TRAPPC9: variants seen among roughly 807,000 people sequenced by gnomAD.
TRAPPC9 encodes trafficking protein particle complex subunit 9.
A neutral mutation model predicts 124.0 loss-of-function variants in TRAPPC9; 83 were observed. The observed-to-expected ratio is 0.67, with a 90% CI of 0.56 to 0.80. The LOEUF (loss-of-function observed/expected upper bound fraction) is 0.80, where lower values mean the gene tolerates loss of function less well. Among genes scored for constraint, TRAPPC9 ranks in the 30% least tolerant of loss-of-function variants. The probability of loss-of-function intolerance (pLI) is 0.00; values close to 1 mark genes in which losing one functional copy is unlikely to be tolerated. For synonymous variants in TRAPPC9, 638 were observed against 617.5 expected, an observed-to-expected ratio of 1.03 and a Z score of -0.49; for missense variants, 1,302 against 1,508.3, an observed-to-expected ratio of 0.86 and a Z score of 2.27.
intron 17 of TRAPPC9, among the ~76,000 whole-genome samples, chr8:140,055,078 C>CA (rs1180816578): frequency 6.6e-6 from 1 of 152,174 alleles, no homozygotes; most frequent in Non-Finnish European, 1.5e-5. Context: ...CAAAGCTAGA[C>CA]AAGAACCTTA....
At chr8:140,356,435 T>C (rs2067747412) in intron 9 of TRAPPC9, among the ~76,000 whole-genome samples, 1 of 152,184 alleles carries the variant, frequency 6.6e-6, no homozygotes, top group Non-Finnish European at 1.5e-5. Context: ...TCACTCCAAT[T>C]ATTGATCCTG....
At chr8:140,243,976 C>G (rs558452394) in intron 16 of TRAPPC9, among the ~76,000 whole-genome samples, 1 of 152,248 alleles carries the variant, frequency 6.6e-6, no homozygotes, top group Non-Finnish European at 1.5e-5. Flanking sequence ...GCCTCAGGTT[C>G]TCACAGGAGT....
At chr8:140,082,954 G>A (rs1249512537) in intron 17 of TRAPPC9, among the ~76,000 whole-genome samples, 1 of 152,090 alleles carries the variant, frequency 6.6e-6, no homozygotes, top group African/African-American at 2.4e-5. Flanking sequence ...CAGCACTTTG[G>A]GTGGCCGAGG....
At chr8:140,388,055 G>T (rs1413479002) in intron 7 of TRAPPC9, among the ~76,000 whole-genome samples, 1 of 151,840 alleles carries the variant, frequency 6.6e-6, no homozygotes, top group Non-Finnish European at 1.5e-5. Context: ...AAAAAAGGAT[G>T]AGTTCATGTC....
chr8:140,026,833 AT>A (rs1488838819), intron 17 of TRAPPC9, among the ~76,000 whole-genome samples: 16 of 152,314 alleles, frequency 1.1e-4, no homozygotes, highest in African/African-American at 3.6e-4. Context: ...AAATAAAGCC[AT>A]GCCTTCCTCT....
At chr8:140,115,329 G>A (rs535406880) in intron 17 of TRAPPC9, among the ~76,000 whole-genome samples, 6 of 151,058 alleles carry the variant, frequency 4.0e-5, no homozygotes, top group South Asian at 2.1e-4. Flanking sequence ...GTGCAGTGGC[G>A]TGATCTAGGC....
intron 10 of TRAPPC9, among the ~76,000 whole-genome samples, chr8:140,305,025 C>T (rs1339382325): frequency 6.6e-6 from 1 of 152,200 alleles, no homozygotes; most frequent in Non-Finnish European, 1.5e-5. Flanking sequence ...CTCAAAACAT[C>T]AGAATGTTCT....
intron 18 of TRAPPC9, among the ~76,000 whole-genome samples, chr8:140,014,955 A>T (rs1587496259): frequency 2.0e-5 from 3 of 151,776 alleles, no homozygotes; most frequent in Admixed American, 2.0e-4. Flanking sequence ...CCATCATTTT[A>T]AAAAATACCA....
chr8:140,336,085 C>A (rs373831636), intron 9 of TRAPPC9, among the ~76,000 whole-genome samples: 10 of 151,850 alleles, frequency 6.6e-5, no homozygotes, highest in African/African-American at 2.4e-4. Context: ...TTTTTCACAA[C>A]TCAAATTATT....
At chr8:139,902,631 A>G (rs1831091477) in intron 20 of TRAPPC9, among the ~76,000 whole-genome samples, 1 of 152,270 alleles carries the variant, frequency 6.6e-6, no homozygotes, top group Non-Finnish European at 1.5e-5. Context: ...TTAGAAAAAC[A>G]CAGTGTGCTA....
At chr8:140,036,399 T>C (rs1010360456) in intron 17 of TRAPPC9, among the ~76,000 whole-genome samples, 8 of 151,948 alleles carry the variant, frequency 5.3e-5, no homozygotes, top group African/African-American at 1.2e-4. Flanking sequence ...CGTGCTGCCA[T>C]TGAAGACATC....
At chr8:140,359,688 A>G (rs910200220) in intron 9 of TRAPPC9, among the ~76,000 whole-genome samples, 1 of 152,000 alleles carries the variant, frequency 6.6e-6, no homozygotes, top group African/African-American at 2.4e-5. Context: ...TGAGTCGTGC[A>G]CTCCTCTATG....
At chr8:140,283,358 G>A (rs1199741440) in intron 14 of TRAPPC9, among the ~76,000 whole-genome samples, 8 of 140,198 alleles carry the variant, frequency 5.7e-5, no homozygotes, top group South Asian at 2.4e-4. Flanking sequence ...GCAGTGGCGC[G>A]ATCTCGGCTC....
chr8:139,906,038 G>A (rs1400446730), intron 20 of TRAPPC9, among the ~76,000 whole-genome samples: 2 of 152,042 alleles, frequency 1.3e-5, no homozygotes, highest in African/African-American at 4.8e-5. Context: ...AGATTGCAGT[G>A]AGCCAAGATT....
At chr8:139,951,392 T>C (rs1053344905) in intron 19 of TRAPPC9, among the ~76,000 whole-genome samples, 1 of 152,224 alleles carries the variant, frequency 6.6e-6, no homozygotes, top group African/African-American at 2.4e-5. Context: ...AATGTGACAG[T>C]CACGTTCTGC....
chr8:139,973,743 C>T (rs955486797), intron 19 of TRAPPC9, among the ~76,000 whole-genome samples: 1 of 152,158 alleles, frequency 6.6e-6, no homozygotes, highest in African/African-American at 2.4e-5. Context: ...TTTTCCTTCC[C>T]CACATGCAGG....
Position 139,729,962 on chromosome 8 carries a change from A to G in TRAPPC9, c.*1099T>C, listed in dbSNP as rs1402843072. Among the ~76,000 whole-genome samples, 1 of 152,138 alleles carries G rather than the reference A, an allele frequency of 6.6e-6. No individual in the cohort carries two copies. Among genetic ancestry groups the G allele is most frequent in the Non-Finnish European group, 1.5e-5 (1 of 68,020 alleles). ...GGAGCTAAGGGTCAACACAGCCAGA[A>G]GCCTGCCCCCAGAACAGGACTCTTG... On this transcript the variant is annotated 3_prime_UTR_variant, in exon 23 of 23. Transcript: ENST00000438773.
At chr8:140,236,095 T>C (rs1386060672) in intron 16 of TRAPPC9, among the ~76,000 whole-genome samples, 1 of 142,682 alleles carries the variant, frequency 7.0e-6, no homozygotes, top group Non-Finnish European at 1.5e-5. Flanking sequence ...TTTTTTTTTT[T>C]TTTTTGAGAC....
intron 2 of TRAPPC9, among the ~76,000 whole-genome samples, chr8:140,442,119 A>G (rs2071038314): frequency 6.6e-6 from 1 of 152,188 alleles, no homozygotes; most frequent in African/African-American, 2.4e-5. Context: ...TAACCCACAA[A>G]ATTTCAAAAA....
Sources: allele counts gnomAD v4.1 joint callset (sites outside exome capture counted in the v4.1 genomes callset), GRCh38; gene constraint gnomAD v4.1.1; transcripts MANE v1.5; gene names NCBI Gene and HGNC (gene_info 2026-07-23, HGNC 2026-07-21).